Variants in L1TD1 observed in about 807,000 individuals in gnomAD.
L1TD1 encodes the protein LINE-1 type transposase domain-containing protein 1.
Under a neutral mutation model 25.7 loss-of-function variants are expected in L1TD1, and 26 were observed. The ratio of observed to expected loss-of-function variants is 1.01; its 90% confidence interval spans 0.74 to 1.40. The LOEUF is 1.40. Among genes scored for constraint, L1TD1 ranks in the 40% most tolerant of loss-of-function variants. L1TD1 has a pLI of 0.00. For synonymous variants in L1TD1, 421 were observed against 335.6 expected (o/e 1.25, Z -2.78); for missense variants, 1,130 against 975.0 (o/e 1.16, Z -2.12).
In L1TD1 at chr1:62,205,413, CTCTCTATATA is replaced by C. The variant is rs1296758866; in HGVS notation, c.-110-1104_-110-1095del. 4.9e-4 allele frequency among the ~76,000 whole-genome samples: 15 copies of C among 30,504 alleles called. No individual in the cohort carries two copies. In the East Asian group the frequency reaches 7.7e-3, roughly 16 times the overall value. 20.0% of individuals were successfully genotyped at this position (30,504 alleles called of 152,430 possible). On this transcript the variant is annotated intron_variant, in intron 2 of 3. Transcript: ENST00000498273. ...TTTCTCTCTCTCTCTCTCTCTCTCT[CTCTCTATATA>C]TATATATATATATATATATATTTTT...
At chr1:62,195,739 C>A (rs1356949848) in intron 1 of L1TD1, among the ~76,000 whole-genome samples, 2 of 148,446 alleles carry the variant, frequency 1.3e-5, no homozygotes, top group African/African-American at 5.0e-5. Context: ...GCAACAGGGG[C>A]GAAACTGTCT....
Position 62,206,910 on chromosome 1 carries a change from G to A in L1TD1, c.282G>A (p.Glu94=), listed in dbSNP as rs1670757992. 1 of 1,613,714 alleles carries A rather than the reference G, an allele frequency of 6.2e-7. No individual in the cohort carries two copies. Among genetic ancestry groups the A allele is most frequent in the Admixed American group, 1.7e-5 (1 of 59,956 alleles). Residue 94 remains glutamate, a synonymous_variant, in exon 3 of 4, where the codon GAG becomes GAA. Coordinates refer to ENST00000498273, the MANE Select transcript of L1TD1 (RefSeq NM_019079.5). ...CAATACCTGAGGTAAAGAATTCAGA[G>A]AACTCCAGTAGTAGGACAGAGTTTC... ...KATIPEVKNS[E]NSSSRTEFQQ... is the part of the protein sequence containing the mutation.
At position 62,206,814 on chromosome 1, in the gene L1TD1, A is replaced by G; in HGVS notation, c.186A>G (p.Gln62=). 1 of 1,600,810 alleles carries G rather than the reference A, an allele frequency of 6.2e-7. No individual in the cohort carries two copies. The highest frequency in any genetic ancestry group is 8.5e-7 in the Non-Finnish European group (1 of 1,172,466). The change falls in exon 3 of 4, where the codon CAA becomes CAG. Residue 62 remains glutamine (Q), a synonymous_variant. Coordinates refer to ENST00000498273, the MANE Select transcript of L1TD1 (RefSeq NM_019079.5). ...AGTTTAAGGTCTTAATGGAAATTCA[A>G]GACCTGATGTTTGAGGAGATGAGGG... ...MNKFKVLMEI[Q]DLMFEEMRET... is the part of the protein sequence containing the mutation.
At chr1:62,201,344 CT>C (rs1441041703) in intron 2 of L1TD1, among the ~76,000 whole-genome samples, 1 of 151,956 alleles carries the variant, frequency 6.6e-6, no homozygotes, top group Non-Finnish European at 1.5e-5. Flanking sequence ...TCTGTGTCAT[CT>C]TGGCAAGTCA....
At chr1:62,200,626 GA>G (rs1479078946) in intron 2 of L1TD1, among the ~76,000 whole-genome samples, 1 of 151,972 alleles carries the variant, frequency 6.6e-6, no homozygotes. Flanking sequence ...TTTTTGGCCA[GA>G]AAAAACTCAG....
intron 3 of L1TD1, among the ~76,000 whole-genome samples, chr1:62,209,027 T>A (rs1269775164): frequency 6.6e-6 from 1 of 152,186 alleles, no homozygotes; most frequent in Non-Finnish European, 1.5e-5. Flanking sequence ...AGTGGCAGAC[T>A]AAGGGCTTCA....
At position 62,207,231 on chromosome 1, in the gene L1TD1, G is replaced by A. The variant is rs931697408; in HGVS notation, c.603G>A (p.Lys201=). 3 of 1,551,428 alleles carry A rather than the reference G, an allele frequency of 1.9e-6. No homozygotes were observed. The highest frequency in any genetic ancestry group is 1.4e-5 in the African/African-American group (1 of 73,018). Residue 201 remains lysine (K), a synonymous_variant, in exon 3 of 4, where the codon AAG becomes AAA. Coordinates refer to ENST00000498273, the MANE Select transcript of L1TD1 (RefSeq NM_019079.5). ...AATTTACAGAAAGAGAGAGTAGGAA[G>A]GATGGAGAGGATGAATTTGTCAAAG... is the stretch of plus-strand genomic sequence containing the variant. ...HLEFTERESR[K]DGEDEFVKEM... is the part of the protein sequence containing the mutation.
At chr1:62,198,506 A>T (rs1219516380) in intron 2 of L1TD1, among the ~76,000 whole-genome samples, 1 of 151,288 alleles carries the variant, frequency 6.6e-6, no homozygotes, top group African/African-American at 2.4e-5. Flanking sequence ...TCAGAAAAAC[A>T]CACACACCGA....
In L1TD1 at chr1:62,210,002, C is replaced by G. The variant is rs141196718; in HGVS notation, c.1228C>G (p.Pro410Ala). 6.8e-7 allele frequency: 1 copy of G among 1,468,028 alleles called. No homozygotes were observed. The highest frequency in any genetic ancestry group is 1.6e-5 in the African/African-American group (1 of 64,162). 90.9% of individuals were successfully genotyped at this position (1,468,028 alleles called of 1,614,324 possible). ...TSGLEEEEEEPSGLEEEEEEE... is the reference protein window; with the variant it reads ...TSGLEEEEEEASGLEEEEEEE... Reference sequence around the variant, plus strand: ...AGGGCTGGAGGAGGAGGAGGAAGAGCCCTCAGGGCTGGAGGAGGAAGAAGA... The same window carrying G: ...AGGGCTGGAGGAGGAGGAGGAAGAGGCCTCAGGGCTGGAGGAGGAAGAAGA... Residue 410 changes from proline to alanine, a missense_variant, in exon 4 of 4, where the codon CCC becomes GCC. Transcript: ENST00000498273.
In L1TD1 at chr1:62,209,924, C is replaced by T. The variant is rs747781960; in HGVS notation, c.1150C>T (p.Leu384=). 6.2e-7 allele frequency: 1 copy of T among 1,613,208 alleles called. No homozygotes were observed. Among genetic ancestry groups the T allele is most frequent in the South Asian group, 1.1e-5 (1 of 91,036 alleles). ...LETQEEEFSE[L]EELDEEASGM... Reference sequence around the variant, plus strand: ...GACTCAAGAGGAAGAGTTTTCCGAGCTAGAGGAGCTGGATGAAGAGGCCTC... The same window carrying T: ...GACTCAAGAGGAAGAGTTTTCCGAGTTAGAGGAGCTGGATGAAGAGGCCTC... The change falls in exon 4 of 4, where the codon CTA becomes TTA. Residue 384 remains leucine, a synonymous_variant. Transcript: ENST00000498273.
At chr1:62,198,216 C>A (rs1173751854) in intron 2 of L1TD1, among the ~76,000 whole-genome samples, 4 of 152,028 alleles carry the variant, frequency 2.6e-5, no homozygotes, top group Admixed American at 2.6e-4. Flanking sequence ...GCCTGTAATA[C>A]CAGCTCCTCA....
Position 62,210,259 on chromosome 1 carries a change from C to T in L1TD1, c.1485C>T (p.Thr495=), listed in dbSNP as rs762999318. 19 of 1,613,974 alleles carry T rather than the reference C, an allele frequency of 1.2e-5. No individual in the cohort carries two copies. Among genetic ancestry groups the T allele is most frequent in the Admixed American group, 8.3e-5 (5 of 59,986 alleles). ...KSSETGKVKT[T]SLTEKKASRR... ...CTGAAACAGGAAAGGTAAAGACTAC[C>T]TCCCTGACTGAGAAAAAAGCCTCAC... The change falls in exon 4 of 4, where the codon ACC becomes ACT. Residue 495 remains threonine, a synonymous_variant. Coordinates refer to ENST00000498273, the MANE Select transcript of L1TD1 (RefSeq NM_019079.5).
At chr1:62,203,683 A>G (rs899023203) in intron 2 of L1TD1, among the ~76,000 whole-genome samples, 1 of 152,142 alleles carries the variant, frequency 6.6e-6, no homozygotes, top group Non-Finnish European at 1.5e-5. Context: ...GGTTCATGCC[A>G]TTCTCCTGCC....
intron 1 of L1TD1, among the ~76,000 whole-genome samples, chr1:62,195,795 T>C (rs1670524862): frequency 6.6e-6 from 1 of 152,036 alleles, no homozygotes; most frequent in Non-Finnish European, 1.5e-5. Flanking sequence ...TTCCAGCACT[T>C]TGGGAGGCCG....
rs780297928 is a variant in L1TD1, at chr1:62,206,867, T to C, written c.239T>C (p.Val80Ala). The change falls in exon 3 of 4, where the codon GTT (valine) becomes GCT (alanine). Residue 80 changes from valine to alanine, a missense_variant. Val to Ala is a moderately conservative substitution (Grantham distance 64, BLOSUM62 0). Coordinates refer to ENST00000498273, the MANE Select transcript of L1TD1 (RefSeq NM_019079.5). ...RETLKNDLKA[V>A]LGGKATIPEV... is the part of the protein sequence containing the mutation. Reference sequence around the variant, plus strand: ...ACTCTTAAAAATGACCTAAAAGCAGTTTTAGGGGGAAAAGCTACAATACCT... The same window carrying C: ...ACTCTTAAAAATGACCTAAAAGCAGCTTTAGGGGGAAAAGCTACAATACCT... The C allele has an allele frequency of 3.1e-6, 5 of 1,613,210 alleles. No homozygotes were observed. The highest frequency in any genetic ancestry group is 3.3e-5 in the Admixed American group (2 of 59,796).
In L1TD1 at chr1:62,210,569, A is replaced by C; in HGVS notation, c.1795A>C (p.Thr599Pro). The change falls in exon 4 of 4, where the codon ACA becomes CCA. Residue 599 changes from threonine (T) to proline (P), a missense_variant. Transcript: ENST00000498273. Reference sequence around the variant, plus strand: ...AGAAAAGAAACACAGAACTCTGCACACAGAAGAACTAACATCCAAAGAAGC... The same window carrying C: ...AGAAAAGAAACACAGAACTCTGCACCCAGAAGAACTAACATCCAAAGAAGC... Reference protein sequence around the residue: ...TEEKKHRTLHTEELTSKEADL... With the variant: ...TEEKKHRTLHPEELTSKEADL... The C allele has an allele frequency of 6.2e-7, 1 of 1,613,142 alleles. No homozygotes were observed. Among genetic ancestry groups the C allele is most frequent in the Admixed American group, 1.7e-5 (1 of 59,768 alleles).
chr1:62,205,408 TC>T (rs1670720853), intron 2 of L1TD1, among the ~76,000 whole-genome samples: 1 of 46,428 alleles, frequency 2.2e-5, no homozygotes, highest in South Asian at 8.3e-4. Flanking sequence ...TCTCTCTCTC[TC>T]TCTCTCTCTA....
chr1:62,209,645 A>T, intron 3 of L1TD1, 138 bp from the exon 4 acceptor site: 2 of 764,000 alleles, frequency 2.6e-6, no homozygotes, highest in Non-Finnish European at 4.0e-6. Flanking sequence ...AAGAACAATT[A>T]ATATTTAAGC....
In L1TD1 at chr1:62,210,087, A is replaced by G. The variant is rs1264141153; in HGVS notation, c.1313A>G (p.Gln438Arg). Reference protein sequence around the residue: ...EASGLEEEEEQTSEQDSTFQG... With the variant: ...EASGLEEEEERTSEQDSTFQG... The stretch of plus-strand genomic sequence containing the variant: ...TCAGGGCTAGAGGAGGAAGAGGAAC[A>G]GACTTCAGAACAGGACTCAACCTTT... The change falls in exon 4 of 4, where the codon CAG (glutamine) becomes CGG (arginine). Residue 438 changes from glutamine to arginine, a missense_variant. Coordinates refer to ENST00000498273, the MANE Select transcript of L1TD1 (RefSeq NM_019079.5). 6.2e-7 allele frequency: 1 copy of G among 1,613,998 alleles called. No individual in the cohort carries two copies. The highest frequency in any genetic ancestry group is 1.3e-5 in the African/African-American group (1 of 74,922).
Sources: allele counts gnomAD v4.1 joint callset (sites outside exome capture counted in the v4.1 genomes callset), GRCh38; gene constraint gnomAD v4.1.1; transcripts MANE v1.5; gene names NCBI Gene and HGNC (gene_info 2026-07-23, HGNC 2026-07-21).